CYP20A1: variants seen among roughly 807,000 people sequenced by gnomAD.
CYP20A1 encodes the protein cytochrome P450 20A1.
In CYP20A1, 61 loss-of-function variants were observed where a neutral mutation model predicts 61.4. That is an observed-to-expected ratio of 0.99 (90% CI 0.81 to 1.23). The LOEUF (loss-of-function observed/expected upper bound fraction) is 1.23, where lower values mean the gene tolerates loss of function less well. Among genes scored for constraint, CYP20A1 ranks in the 50% most tolerant of loss-of-function variants. The pLI is 0.00. For missense variants in CYP20A1, 530 were observed against 542.4 expected (o/e 0.98, Z 0.23); for synonymous variants, 193 against 188.2 (o/e 1.03, Z -0.21).
intron 5 of CYP20A1, 99 bp from the exon 6 acceptor site, chr2:203,272,571 A>T: frequency 8.0e-6 from 4 of 500,142 alleles, no homozygotes; most frequent in Non-Finnish European, 1.3e-5. Context: ...AAAAAAAAAA[A>T]GAGTTAAAGA....
Position 203,290,441 on chromosome 2 carries a change from CTG to C in CYP20A1, c.1083+569_1083+570del, listed in dbSNP as rs1575269567. 2.0e-5 allele frequency among the ~76,000 whole-genome samples: 3 copies of C among 152,042 alleles called. No homozygotes were observed. In the East Asian group the frequency reaches 5.8e-4, roughly 29 times the overall value. On this transcript the variant is annotated intron_variant, in intron 10 of 12. Transcript: ENST00000356079. ...CCTATTTCTGTGTATGTATATTACT[CTG>C]TGTATATATGTATAGAAACACACAT...
At chr2:203,240,200 CCTT>C (rs1323276527) in intron 1 of CYP20A1, among the ~76,000 whole-genome samples, 2 of 152,182 alleles carry the variant, frequency 1.3e-5, no homozygotes, top group South Asian at 2.1e-4. Flanking sequence ...TGACCATACA[CCTT>C]CTTAAATGTT....
chr2:203,293,101 G>A (rs2068610983), intron 11 of CYP20A1, among the ~76,000 whole-genome samples: 1 of 151,762 alleles, frequency 6.6e-6, no homozygotes, highest in African/African-American at 2.4e-5. Flanking sequence ...TTGAACCTGG[G>A]AGGCAGAGGT....
chr2:203,275,574 G>A (rs894043995), intron 6 of CYP20A1, among the ~76,000 whole-genome samples: 4 of 151,956 alleles, frequency 2.6e-5, no homozygotes, highest in Non-Finnish European at 5.9e-5. Flanking sequence ...CAAGTAGCTG[G>A]GATTACAGAC....
At chr2:203,270,833 A>T (rs2067533945) in intron 5 of CYP20A1, among the ~76,000 whole-genome samples, 4 of 145,390 alleles carry the variant, frequency 2.8e-5, no homozygotes, top group Admixed American at 1.4e-4. Flanking sequence ...CCTCCTGAGT[A>T]GCTGGGACCA....
At position 203,276,112 on chromosome 2, in the gene CYP20A1, A is replaced by G. The variant is rs1483430529; in HGVS notation, c.680-2461A>G. Among the ~76,000 whole-genome samples the G allele has an allele frequency of 5.8e-4, 89 of 152,228 alleles. 1 individual carries two copies. Among genetic ancestry groups the G allele is most frequent in the Non-Finnish European group, 1.0e-4 (7 of 68,044 alleles). On this transcript the variant is annotated intron_variant, in intron 6 of 12. Transcript: ENST00000356079. Reference sequence around the variant, plus strand: ...GAACATGTGGATACCCAGATGTTCAAAGGAAGAATATTCCATGTAGAGGAA... The same window carrying G: ...GAACATGTGGATACCCAGATGTTCAGAGGAAGAATATTCCATGTAGAGGAA...
chr2:203,282,375 A>G (rs2068079401), intron 8 of CYP20A1, among the ~76,000 whole-genome samples: 1 of 151,886 alleles, frequency 6.6e-6, no homozygotes, highest in African/African-American at 2.4e-5. Flanking sequence ...AGTGGTGCAC[A>G]CTTGTCCCAG....
chr2:203,249,681 C>T (rs1015511076), intron 3 of CYP20A1, among the ~76,000 whole-genome samples: 2 of 151,944 alleles, frequency 1.3e-5, no homozygotes, highest in African/African-American at 2.4e-5. Flanking sequence ...CCCGTCTCTA[C>T]TAAAAATACA....
chr2:203,250,445 A>T (rs534962097), intron 3 of CYP20A1, among the ~76,000 whole-genome samples: 1 of 152,206 alleles, frequency 6.6e-6, no homozygotes, highest in African/African-American at 2.4e-5. Context: ...CTAATTAGTG[A>T]TGGAGCTAGG....
In CYP20A1 at chr2:203,292,245, AT is replaced by A. The variant is rs560963656; in HGVS notation, c.1084-6del. ...TCTCTGTTAGTCCTTGACTAATTGG[AT>A]TTTTTTTTTTCACAGACCCTCGTCC... On this transcript the variant is annotated splice_polypyrimidine_tract_variant and intron_variant, in intron 10 of 12. Transcript: ENST00000356079. The A allele has an allele frequency of 0.012, 14,435 of 1,210,904 alleles. 4 individuals are homozygous for A. Among genetic ancestry groups the A allele is most frequent in the East Asian group, 0.026 (854 of 32,404 alleles). The allele number at this position is 1,210,904 out of a possible 1,614,324, so 75.0% of individuals were successfully genotyped here.
chr2:203,254,343 G>A (rs556081367), intron 4 of CYP20A1, among the ~76,000 whole-genome samples: 2 of 151,928 alleles, frequency 1.3e-5, no homozygotes, highest in South Asian at 2.1e-4. Flanking sequence ...TCAGGAGTTC[G>A]AGACTGGCCT....
At chr2:203,281,513 CA>C (rs916302385) in intron 8 of CYP20A1, among the ~76,000 whole-genome samples, 3 of 149,416 alleles carry the variant, frequency 2.0e-5, no homozygotes, top group Admixed American at 2.0e-4. Context: ...TGTCAAAAAA[CA>C]AAAGGAGGCC....
Position 203,304,207 on chromosome 2 carries a change from A to G in CYP20A1, c.*7299A>G, listed in dbSNP as rs2069135642. Among the ~76,000 whole-genome samples the G allele has an allele frequency of 6.6e-6, 1 of 151,786 alleles. No individual in the cohort carries two copies. Among genetic ancestry groups the G allele is most frequent in the South Asian group, 2.1e-4 (1 of 4,778 alleles). ...AGCCTAGGTGACAGAGTGAGACTCC[A>G]TAGGTCTCAGCCAGACTCTGGAGGT... On this transcript the variant is annotated 3_prime_UTR_variant, in exon 13 of 13. Coordinates refer to ENST00000356079, the MANE Select transcript of CYP20A1 (RefSeq NM_177538.3).
Position 203,285,686 on chromosome 2 carries a change from GT to G in CYP20A1, c.930del (p.Phe310LeufsTer30). The G allele has an allele frequency of 6.2e-7, 1 of 1,605,132 alleles. No homozygotes were observed. Among genetic ancestry groups the G allele is most frequent in the Admixed American group, 1.7e-5 (1 of 57,606 alleles). On this transcript the variant is annotated frameshift_variant, in exon 9 of 13. Transcript: ENST00000356079. LOFTEE classifies it high-confidence loss of function. ...QKKLYEEINQ[V>X]FGNGPVTPEK... The stretch of plus-strand genomic sequence containing the variant: ...AAAATTATATGAAGAGATAAACCAA[GT>G]TTTTGGAAATGGTCCTGTTACTCCA...
chr2:203,278,841 G>A (rs541068124), intron 7 of CYP20A1, among the ~76,000 whole-genome samples, 153 bp downstream of exon 7: 10 of 152,250 alleles, frequency 6.6e-5, no homozygotes, highest in African/African-American at 2.4e-4. Context: ...ATAGCAAGAC[G>A]CCATCTATAA....
In CYP20A1 at chr2:203,301,101, C is replaced by T. The variant is rs189732982; in HGVS notation, c.*4193C>T. Among the ~76,000 whole-genome samples the T allele has an allele frequency of 1.3e-3, 200 of 149,318 alleles. No individual in the cohort carries two copies. The highest frequency in any genetic ancestry group is 4.8e-3 in the African/African-American group (194 of 40,688). On this transcript the variant is annotated 3_prime_UTR_variant, in exon 13 of 13. Coordinates refer to ENST00000356079, the MANE Select transcript of CYP20A1 (RefSeq NM_177538.3). ...ATCCCAGCTACTGGGGAGGCTGAAA[C>T]AGGAGAATCGCTTGAACCCAGTAGG...
At chr2:203,265,478 A>G (rs1382444852) in intron 4 of CYP20A1, among the ~76,000 whole-genome samples, 1 of 152,140 alleles carries the variant, frequency 6.6e-6, no homozygotes, top group African/African-American at 2.4e-5. Context: ...GATTTTGTAC[A>G]CTAATTATTC....
At chr2:203,244,597 A>G (rs995587381) in intron 1 of CYP20A1, among the ~76,000 whole-genome samples, 1 of 152,042 alleles carries the variant, frequency 6.6e-6, no homozygotes, top group African/African-American at 2.4e-5. Context: ...AGCTGGGACC[A>G]TATATAAACT....
At chr2:203,281,706 C>T (rs1462214972) in intron 8 of CYP20A1, among the ~76,000 whole-genome samples, 2 of 151,364 alleles carry the variant, frequency 1.3e-5, no homozygotes, top group African/African-American at 2.4e-5. Context: ...GAGGCTGAGG[C>T]AAAAGAATCG....
Sources: gnomAD v4.1 joint callset for allele counts (sites outside exome capture counted in the v4.1 genomes callset) on GRCh38, gnomAD v4.1.1 for gene constraint, MANE v1.5 for transcripts, NCBI Gene and HGNC (gene_info 2026-07-23, HGNC 2026-07-21) for gene names.